TTC7A: variants seen among roughly 807,000 people sequenced by gnomAD.
The protein encoded by TTC7A is tetratricopeptide repeat domain 7A, also known as tetratricopeptide repeat protein 7A.
Under a neutral mutation model 103.7 loss-of-function variants are expected in TTC7A, and 110 were observed. The ratio of observed to expected loss-of-function variants is 1.06; its 90% CI spans 0.91 to 1.24. The LOEUF is 1.24. TTC7A is among the 50% of genes most tolerant of loss of function. The pLI, the probability that TTC7A is intolerant of heterozygous loss-of-function variation, is 0.00. For missense variants in TTC7A, 1,340 were observed against 1,116.3 expected, an observed-to-expected ratio of 1.20 and a Z score of -2.86; for synonymous variants, 521 against 467.9, an observed-to-expected ratio of 1.11 and a Z score of -1.47.
chr2:46,928,351 A>G (rs1669508828), intron 2 of TTC7A, among the ~76,000 whole-genome samples: 1 of 151,472 alleles, frequency 6.6e-6, no homozygotes, highest in South Asian at 2.1e-4. Context: ...AGGATCAACT[A>G]TGTCCTCCAC....
chr2:46,977,648 A>C (rs1674008046), intron 4 of TTC7A, among the ~76,000 whole-genome samples: 1 of 152,230 alleles, frequency 6.6e-6, no homozygotes, highest in African/African-American at 2.4e-5. Flanking sequence ...ATTAACTGAT[A>C]CATAGTAGAA....
intron 5 of TTC7A, among the ~76,000 whole-genome samples, chr2:46,990,925 T>G (rs1405232067): frequency 2.6e-5 from 4 of 151,988 alleles, no homozygotes; most frequent in African/African-American, 7.2e-5. Flanking sequence ...TTGGTTGGTT[T>G]GTTTTGAGAT....
intron 16 of TTC7A, among the ~76,000 whole-genome samples, chr2:47,049,435 C>T (rs572928495): frequency 6.6e-6 from 1 of 152,134 alleles, no homozygotes; most frequent in African/African-American, 2.4e-5. Context: ...GGGGCTACCC[C>T]TGGAGATCTG....
At chr2:47,030,056 C>A (rs1680364155) in intron 15 of TTC7A, among the ~76,000 whole-genome samples, 1 of 152,142 alleles carries the variant, frequency 6.6e-6, no homozygotes, top group African/African-American at 2.4e-5. Flanking sequence ...CTGCCTTCTG[C>A]CCCTAAGGGC....
chr2:46,944,920 GTT>G (rs1231026180), intron 1 of TTC7A, among the ~76,000 whole-genome samples: 1 of 152,158 alleles, frequency 6.6e-6, no homozygotes, highest in African/African-American at 2.4e-5. Flanking sequence ...TTTACAATTA[GTT>G]ATTAGAGTCA....
At chr2:46,954,181 C>A (rs1185920360) in intron 2 of TTC7A, among the ~76,000 whole-genome samples, 1 of 152,182 alleles carries the variant, frequency 6.6e-6, no homozygotes, top group Non-Finnish European at 1.5e-5. Context: ...TTTCCTCATC[C>A]GTTCTTTCCT....
At chr2:47,012,017 A>AC (rs1230351627) in intron 11 of TTC7A, among the ~76,000 whole-genome samples, 1 of 152,064 alleles carries the variant, frequency 6.6e-6, no homozygotes, top group Non-Finnish European at 1.5e-5. Context: ...GAGGCCTTTA[A>AC]CCCCCCAGTT....
rs1572669798 is a variant in TTC7A at position 46,941,361 on chromosome 2, C to T, written c.-181C>T. The T allele has an allele frequency of 8.1e-6, 3 of 369,910 alleles. No homozygotes were observed. The East Asian group carries it at 2.6e-4, about 32-fold the overall frequency. 22.9% of individuals were successfully genotyped at this position (369,910 alleles called of 1,614,324 possible). A position where few individuals can be genotyped will look rare whatever the true frequency, so the allele number is the denominator to read the frequency against. ...GCGCCGGGCGGTGCGCTGGGAGCTG[C>T]TGGTGCTGCTGCTGCTGCTGCTGCC... On this transcript the variant is annotated 5_prime_UTR_variant, in exon 1 of 20. Transcript: ENST00000319190. This position sits in a 1 kb window ranked among gnomAD's most constrained non-coding sequence, Gnocchi z 4.2.
At chr2:46,946,671 C>G (rs1011776480) in intron 1 of TTC7A, among the ~76,000 whole-genome samples, 2 of 152,196 alleles carry the variant, frequency 1.3e-5, no homozygotes, top group African/African-American at 4.8e-5. Context: ...GTCCTACCAC[C>G]TCGGCCTCCC....
At chr2:46,931,152 GTTAT>G (rs1454747749) in intron 2 of TTC7A, among the ~76,000 whole-genome samples, 1 of 152,216 alleles carries the variant, frequency 6.6e-6, no homozygotes, top group Non-Finnish European at 1.5e-5. Context: ...ATCTATGAGT[GTTAT>G]TTATTTAGGA....
upstream of TTC7A, chr2:46,941,060 G>T (rs1670293861): frequency 1.3e-5 from 2 of 151,156 alleles, no homozygotes; most frequent in South Asian, 3.6e-4. The surrounding 1 kb of genome is among the most constrained non-coding windows in gnomAD (Gnocchi z 4.2). Flanking sequence ...GGCGGGGGGC[G>T]GGTACCCGGG....
intron 3 of TTC7A, among the ~76,000 whole-genome samples, chr2:46,961,245 GT>G (rs1429234446): frequency 6.6e-6 from 1 of 152,180 alleles, no homozygotes; most frequent in African/African-American, 2.4e-5. Context: ...ATTCTTGTTT[GT>G]TTGGTAAAAA....
intron 19 of TTC7A, among the ~76,000 whole-genome samples, chr2:47,063,378 G>A (rs1198031968): frequency 6.6e-6 from 1 of 152,316 alleles, no homozygotes; most frequent in East Asian, 1.9e-4. Context: ...TCCCTCACCA[G>A]TGTCAGACAT....
At position 46,975,122 on chromosome 2, in the gene TTC7A, CG is replaced by C. The variant is rs1673745195; in HGVS notation, c.648+20del. 1 of 1,612,006 alleles carries C rather than the reference CG, an allele frequency of 6.2e-7. No homozygotes were observed. The highest frequency in any genetic ancestry group is 1.3e-5 in the African/African-American group (1 of 74,854). On this transcript the variant is annotated intron_variant, in intron 4 of 19. Coordinates refer to ENST00000319190, the MANE Select transcript of TTC7A (RefSeq NM_020458.4). ...GGAGAAGGTGAGCTGGAAATAACAC[CG>C]TGGTAGGAGCTGCTCTCTATTGAGC...
chr2:47,067,771 C>T (rs535985961), intron 19 of TTC7A: 2 of 152,042 alleles, frequency 1.3e-5, no homozygotes, highest in East Asian at 3.9e-4. Flanking sequence ...TAAATAATTC[C>T]ATAAGTTAGT....
Position 46,974,885 on chromosome 2 carries a change from C to T in TTC7A, c.518-88C>T, listed in dbSNP as rs115386025. 0.02 allele frequency: 30,532 copies of T among 1,546,454 alleles called. 383 individuals carry two copies. The highest frequency in any genetic ancestry group is 0.024 in the Non-Finnish European group (27,466 of 1,137,740). ...GGCTGCACCAGAGTGTCTGCCCCCT[C>T]GGATGAGCCCACCTTCGGCCCATGG... is the stretch of plus-strand genomic sequence containing the variant. On this transcript the variant is annotated intron_variant, in intron 3 of 19. Coordinates refer to ENST00000319190, the MANE Select transcript of TTC7A (RefSeq NM_020458.4).
At chr2:46,989,398 G>A (rs563436678) in intron 5 of TTC7A, among the ~76,000 whole-genome samples, 23 of 152,378 alleles carry the variant, frequency 1.5e-4, no homozygotes, top group African/African-American at 5.3e-4. Flanking sequence ...AGGGCAGCCA[G>A]CAATGGCTCG....
At chr2:46,965,104 A>G (rs963445084) in intron 3 of TTC7A, among the ~76,000 whole-genome samples, 15 of 152,226 alleles carry the variant, frequency 9.9e-5, no homozygotes, top group Admixed American at 2.6e-4. Flanking sequence ...CTCAGCAGCC[A>G]GAAGGATTAT....
chr2:46,923,151 T>C (rs1669193800), intron 2 of TTC7A, among the ~76,000 whole-genome samples: 2 of 152,210 alleles, frequency 1.3e-5, no homozygotes, highest in Admixed American at 1.3e-4. Context: ...TCAGCCTCCA[T>C]GTGTTCAGCT....
Sources: allele counts gnomAD v4.1 joint callset (sites outside exome capture counted in the v4.1 genomes callset), GRCh38; gene constraint gnomAD v4.1.1; non-coding constraint Gnocchi (gnomAD v3.1); transcripts MANE v1.5; gene names NCBI Gene and HGNC (gene_info 2026-07-23, HGNC 2026-07-21).